The following CLVS2 variants were observed in gnomAD, a reference collection of about 807,000 sequenced individuals.
The protein encoded by CLVS2 is clavesin-2.
Under a neutral mutation model 29.0 loss-of-function variants are expected in CLVS2, and 19 were observed. The ratio of observed to expected loss-of-function variants is 0.66; its 90% CI spans 0.46 to 0.96. The LOEUF is 0.96. Ranked by LOEUF, CLVS2 falls within the 40% of genes least tolerant of loss-of-function variation. The pLI, the probability that CLVS2 is intolerant of heterozygous loss-of-function variation, is 0.00. For missense variants in CLVS2, 294 were observed against 404.1 expected (o/e 0.73, Z 2.34); for synonymous variants, 161 against 151.3 (o/e 1.06, Z -0.47).
intron 3 of CLVS2, among the ~76,000 whole-genome samples, chr6:123,041,197 G>C (rs1009146321): frequency 1.3e-5 from 2 of 152,128 alleles, no homozygotes; most frequent in Admixed American, 6.6e-5. Context: ...ATAGTTCTGA[G>C]TTGCAGGGAA....
Position 122,997,615 on chromosome 6 carries a change from A to C in CLVS2, c.-163A>C. ...AGCTTTGCTGGGGGAAAGCAGGAGC[A>C]ACAGGGCACTTGATTGGACACCAAG... On this transcript the variant is annotated 5_prime_UTR_variant, in exon 2 of 6. Transcript: ENST00000275162. The C allele has an allele frequency of 1.5e-6, 1 of 675,166 alleles. No homozygotes were observed. The highest frequency in any genetic ancestry group is 2.5e-6 in the Non-Finnish European group (1 of 400,984). 41.8% of individuals were successfully genotyped at this position (675,166 alleles called of 1,614,324 possible).
At chr6:123,040,529 T>A (rs1582658345) in intron 3 of CLVS2, among the ~76,000 whole-genome samples, 1 of 152,334 alleles carries the variant, frequency 6.6e-6, no homozygotes, top group East Asian at 1.9e-4. Flanking sequence ...GCGCAGTGGC[T>A]TATGCCTGTA....
chr6:123,066,096 A>G lies in CLVS2; in HGVS notation c.*2335A>G, dbSNP rs548264283. 6.6e-6 allele frequency: 1 copy of G among 151,836 alleles called. No homozygotes were observed. Among genetic ancestry groups the G allele is most frequent in the East Asian group, 1.9e-4 (1 of 5,178 alleles). 9.4% of individuals were successfully genotyped at this position (151,836 alleles called of 1,614,324 possible). On this transcript the variant is annotated 3_prime_UTR_variant, in exon 6 of 6. Coordinates refer to ENST00000275162, the MANE Select transcript of CLVS2 (RefSeq NM_001010852.4). ...TACAATGATGATGCCTTTTGAAATT[A>G]CCATATCTAGTTCATTCTGTGAATA...
intron 5 of CLVS2, among the ~76,000 whole-genome samples, chr6:123,060,704 T>G (rs1275119827): frequency 6.6e-6 from 1 of 152,158 alleles, no homozygotes; most frequent in African/African-American, 2.4e-5. Context: ...TGTGCCGGGG[T>G]TTATGGATGC....
At chr6:123,040,112 C>G (rs770185506) in intron 3 of CLVS2, among the ~76,000 whole-genome samples, 1 of 152,090 alleles carries the variant, frequency 6.6e-6, no homozygotes, top group Non-Finnish European at 1.5e-5. Context: ...TAGGCTTCAC[C>G]AAGTGATCAA....
At chr6:123,040,342 C>T (rs1342552647) in intron 3 of CLVS2, among the ~76,000 whole-genome samples, 1 of 152,002 alleles carries the variant, frequency 6.6e-6, no homozygotes. Context: ...GATACCTTTG[C>T]TGTTACAGAC....
chr6:123,022,315 A>C (rs1400200306), intron 3 of CLVS2, among the ~76,000 whole-genome samples: 1 of 151,978 alleles, frequency 6.6e-6, no homozygotes, highest in African/African-American at 2.4e-5. Context: ...TTGAAAATTC[A>C]CCATAGTTTG....
At chr6:123,057,509 G>A (rs1305000541) in intron 5 of CLVS2, among the ~76,000 whole-genome samples, 1 of 151,896 alleles carries the variant, frequency 6.6e-6, no homozygotes, top group African/African-American at 2.4e-5. Flanking sequence ...ACTGCACCCA[G>A]CTAATTTTTG....
rs550662787 is a variant in CLVS2 at position 123,058,912 on chromosome 6, C to A, written c.896+2886C>A. Among the ~76,000 whole-genome samples the A allele has an allele frequency of 2.0e-5, 3 of 152,286 alleles. No individual in the cohort carries two copies. The East Asian group carries it at 5.8e-4, about 29-fold the overall frequency. On this transcript the variant is annotated intron_variant, in intron 5 of 5. Transcript: ENST00000275162. The stretch of plus-strand genomic sequence containing the variant: ...GCCTCAAGTGATCCACCTGCCTCAG[C>A]CTCTCAAAGCACTGGGATTACAGGT...
At chr6:123,031,752 T>C (rs1309633025) in intron 3 of CLVS2, among the ~76,000 whole-genome samples, 1 of 151,906 alleles carries the variant, frequency 6.6e-6, no homozygotes, top group African/African-American at 2.4e-5. Context: ...CAAACTCTGC[T>C]GCTAAGACAC....
intron 3 of CLVS2, among the ~76,000 whole-genome samples, chr6:123,046,327 G>A (rs1772508447): frequency 6.6e-6 from 1 of 152,146 alleles, no homozygotes; most frequent in African/African-American, 2.4e-5. Context: ...CAGGAGAGAA[G>A]AAGAAGCATG....
chr6:123,017,300 C>A (rs1774851445), intron 3 of CLVS2, among the ~76,000 whole-genome samples: 1 of 152,030 alleles, frequency 6.6e-6, no homozygotes, highest in Non-Finnish European at 1.5e-5. Context: ...TGTTTACGAG[C>A]TACATTTTAA....
intron 3 of CLVS2, among the ~76,000 whole-genome samples, chr6:123,012,672 G>C (rs1254452340): frequency 6.6e-6 from 1 of 151,798 alleles, no homozygotes; most frequent in East Asian, 1.9e-4. Flanking sequence ...TGCTACCTGT[G>C]AACACCAAGG....
chr6:123,044,201 T>C (rs953787354), intron 3 of CLVS2, among the ~76,000 whole-genome samples: 7 of 152,230 alleles, frequency 4.6e-5, no homozygotes, highest in Admixed American at 4.6e-4. Flanking sequence ...CCATTCTATT[T>C]CATTGTCTCC....
intron 3 of CLVS2, among the ~76,000 whole-genome samples, chr6:123,023,115 C>T (rs1295463044): frequency 6.6e-6 from 1 of 152,076 alleles, no homozygotes; most frequent in Non-Finnish European, 1.5e-5. Flanking sequence ...GTAAAAGTAA[C>T]TTAAACATCG....
At chr6:123,061,533 T>G (rs1772778211) in intron 5 of CLVS2, among the ~76,000 whole-genome samples, 1 of 152,192 alleles carries the variant, frequency 6.6e-6, no homozygotes, top group African/African-American at 2.4e-5. Flanking sequence ...CTGACTCACT[T>G]TTGTTCTGTG....
chr6:123,051,519 A>C (rs1313286945), intron 4 of CLVS2, among the ~76,000 whole-genome samples: 1 of 152,336 alleles, frequency 6.6e-6, no homozygotes, highest in Middle Eastern at 3.4e-3. Context: ...AATGAAACCC[A>C]CTACCCTAGT....
intron 3 of CLVS2, among the ~76,000 whole-genome samples, chr6:123,027,276 CATTT>C (rs1201846294): frequency 1.3e-5 from 2 of 152,232 alleles, no homozygotes; most frequent in African/African-American, 2.4e-5. Flanking sequence ...TGACACCATT[CATTT>C]GTTTATACTT....
intron 2 of CLVS2, among the ~76,000 whole-genome samples, chr6:123,002,714 G>C (rs941951914): frequency 6.6e-6 from 1 of 152,118 alleles, no homozygotes; most frequent in Non-Finnish European, 1.5e-5. Context: ...AAAATAAGAA[G>C]TTTAATTTTT....
Sources: allele counts gnomAD v4.1 joint callset (sites outside exome capture counted in the v4.1 genomes callset), GRCh38; gene constraint gnomAD v4.1.1; transcripts MANE v1.5; gene names NCBI Gene and HGNC (gene_info 2026-07-23, HGNC 2026-07-21).